DIAPH2: variants seen among roughly 807,000 people sequenced by gnomAD.
The protein encoded by DIAPH2 is protein diaphanous homolog 2.
In DIAPH2, 35 loss-of-function variants were observed where a neutral mutation model predicts 92.7. The ratio of observed to expected loss-of-function variants is 0.38; its 90% CI spans 0.29 to 0.50. The LOEUF (loss-of-function observed/expected upper bound fraction) is 0.50. Ranked by LOEUF, DIAPH2 falls within the 20% of genes least tolerant of loss-of-function variation. The probability of loss-of-function intolerance (pLI) is 0.94; values close to 1 mark genes in which losing one functional copy is unlikely to be tolerated. For synonymous variants in DIAPH2, 301 were observed against 280.4 expected, an observed-to-expected ratio of 1.07 and a Z score of -0.73; for missense variants, 701 against 819.5, an observed-to-expected ratio of 0.86 and a Z score of 1.77.
chrX:97,538,204 T>G lies in DIAPH2; in HGVS notation c.3242-61049T>G, dbSNP rs1023094973. 5.4e-5 allele frequency among the ~76,000 whole-genome samples: 6 copies of G among 111,696 alleles called. No homozygotes were observed. In the Admixed American group the frequency reaches 5.7e-4, roughly 11 times the overall value. The stretch of plus-strand genomic sequence containing the variant: ...CAGCCAAGACTAAATTCTTGACATA[T>G]AGAAACTGTGAGGTAATACATATTT... On this transcript the variant is annotated intron_variant, in intron 26 of 26. Transcript: ENST00000324765.
intron 9 of DIAPH2, among the ~76,000 whole-genome samples, chrX:96,929,605 A>G (rs1324160220): frequency 1.8e-5 from 2 of 111,405 alleles, no homozygotes; most frequent in African/African-American, 3.2e-5. Flanking sequence ...TTTTGGAAAA[A>G]ATAACTCTAT....
chrX:96,937,539 T>G (rs759326436), intron 11 of DIAPH2, among the ~76,000 whole-genome samples, 188 bp downstream of exon 11: 2 of 111,869 alleles, frequency 1.8e-5, no homozygotes, highest in South Asian at 7.4e-4. Flanking sequence ...GTCTTGATGA[T>G]TTACACAGAG....
At chrX:96,785,475 C>CTT (rs1157552270) in intron 4 of DIAPH2, among the ~76,000 whole-genome samples, 159 of 57,131 alleles carry the variant, frequency 2.8e-3, no homozygotes, top group African/African-American at 4.4e-3. Flanking sequence ...CCAAACTTGC[C>CTT]TTTTTTTTTT....
chrX:97,368,044 C>A (rs997527087), intron 24 of DIAPH2, among the ~76,000 whole-genome samples: 1 of 112,320 alleles, frequency 8.9e-6, no homozygotes, highest in African/African-American at 3.2e-5. Context: ...AACTCAGGCT[C>A]CTGGCAAGTT....
chrX:97,065,649 T>C lies in DIAPH2; in HGVS notation c.2051-7292T>C, dbSNP rs182670960. Among the ~76,000 whole-genome samples, 60 of 111,443 alleles carry C rather than the reference T, an allele frequency of 5.4e-4. 1 individual carries two copies. The highest frequency in any genetic ancestry group is 1.9e-3 in the African/African-American group (58 of 30,670). On this transcript the variant is annotated intron_variant, in intron 17 of 26. Transcript: ENST00000324765. ...TATGTATTTACCGTATTTTTCATTGTTATTTTAGAGTGTACTCTTGTTAAA... is the reference window on the plus strand; with the variant it reads ...TATGTATTTACCGTATTTTTCATTGCTATTTTAGAGTGTACTCTTGTTAAA...
At chrX:97,161,250 T>C (rs1435433197) in intron 22 of DIAPH2, among the ~76,000 whole-genome samples, 1 of 110,158 alleles carries the variant, frequency 9.1e-6, no homozygotes, top group Non-Finnish European at 1.9e-5. Context: ...TTCTCTTCCT[T>C]ATGATGTAGA....
intron 4 of DIAPH2, among the ~76,000 whole-genome samples, chrX:96,841,875 G>A (rs1474792285): frequency 9.0e-6 from 1 of 111,418 alleles, no homozygotes; most frequent in Non-Finnish European, 1.9e-5. Flanking sequence ...TAGGGGTGGG[G>A]CAGTTTTATA....
At chrX:97,579,384 A>G (rs1417888468) in intron 26 of DIAPH2, among the ~76,000 whole-genome samples, 1 of 110,464 alleles carries the variant, frequency 9.1e-6, no homozygotes, top group African/African-American at 3.3e-5. Context: ...TCAGCTTTCT[A>G]CATATGGCTA....
chrX:97,595,843 G>C (rs1455700709), intron 26 of DIAPH2, among the ~76,000 whole-genome samples: 1 of 111,085 alleles, frequency 9.0e-6, no homozygotes, highest in Non-Finnish European at 1.9e-5. Flanking sequence ...TGTTGGTCAG[G>C]CTGGTCTCAA....
chrX:97,375,730 T>C (rs960947100), intron 24 of DIAPH2, among the ~76,000 whole-genome samples: 5 of 111,491 alleles, frequency 4.5e-5, no homozygotes, highest in Non-Finnish European at 9.4e-5. Flanking sequence ...TTGCTACCTA[T>C]TTTGCCTCCT....
chrX:97,225,498 A>T (rs1421216125), intron 22 of DIAPH2, among the ~76,000 whole-genome samples: 1 of 111,672 alleles, frequency 9.0e-6, no homozygotes, highest in Non-Finnish European at 1.9e-5. Context: ...TGTCTTCTGG[A>T]TACCTACTTT....
intron 9 of DIAPH2, among the ~76,000 whole-genome samples, chrX:96,928,941 C>T (rs2065601349): frequency 9.0e-6 from 1 of 111,482 alleles, no homozygotes; most frequent in Non-Finnish European, 1.9e-5. Context: ...GATCTGAATA[C>T]TTTTATTTGT....
intron 9 of DIAPH2, among the ~76,000 whole-genome samples, chrX:96,924,880 C>T (rs1471317988): frequency 2.7e-5 from 3 of 111,197 alleles, no homozygotes; most frequent in African/African-American, 9.8e-5. Flanking sequence ...CCATCATGCC[C>T]CTCCTCCAAC....
rs1368591929 is a variant in DIAPH2 at position 96,979,390 on chromosome X, C to T, written c.2050+14183C>T. On this transcript the variant is annotated intron_variant, in intron 17 of 26. Coordinates refer to ENST00000324765, the MANE Select transcript of DIAPH2 (RefSeq NM_006729.5). The stretch of plus-strand genomic sequence containing the variant: ...CCTCTTCAGGAGGAGATTGAAACTC[C>T]TTGTCATGTGTTTCAAGGTTATTTA... 2.7e-5 allele frequency among the ~76,000 whole-genome samples: 3 copies of T among 112,434 alleles called. No homozygotes were observed. In the East Asian group the frequency reaches 8.4e-4, roughly 32 times the overall value.
intron 26 of DIAPH2, among the ~76,000 whole-genome samples, chrX:97,532,278 C>G (rs2071065388): frequency 1.8e-5 from 2 of 113,163 alleles, no homozygotes; most frequent in Admixed American, 9.3e-5. Flanking sequence ...ACAACTATTA[C>G]TGGTGTCACA....
chrX:97,084,772 T>C (rs2066771897), intron 19 of DIAPH2, among the ~76,000 whole-genome samples: 1 of 111,532 alleles, frequency 9.0e-6, no homozygotes, highest in Non-Finnish European at 1.9e-5. Context: ...CAAAGGAATG[T>C]GAAAGCAAGA....
intron 23 of DIAPH2, among the ~76,000 whole-genome samples, chrX:97,271,062 A>G (rs73258347): frequency 0.038 from 4,212 of 110,818 alleles, 90 homozygotes; most frequent in Non-Finnish European, 0.062. Context: ...TAAGATACAA[A>G]CTAATGAATA....
intron 23 of DIAPH2, among the ~76,000 whole-genome samples, chrX:97,330,841 A>G: frequency 9.1e-6 from 1 of 110,474 alleles, no homozygotes; most frequent in African/African-American, 3.3e-5. Context: ...TAAAGACTGA[A>G]TAATATTCCA....
chrX:97,385,561 C>T (rs2069592083), intron 25 of DIAPH2, among the ~76,000 whole-genome samples: 1 of 111,358 alleles, frequency 9.0e-6, no homozygotes, highest in Admixed American at 9.6e-5. Context: ...ATCCTCACAC[C>T]ATCTCTATGA....
Sources: allele counts gnomAD v4.1 joint callset (sites outside exome capture counted in the v4.1 genomes callset), GRCh38; gene constraint gnomAD v4.1.1; transcripts MANE v1.5; gene names NCBI Gene and HGNC (gene_info 2026-07-23, HGNC 2026-07-21).